The following CD6 variants were observed in gnomAD, a reference collection of about 807,000 sequenced individuals.
The protein encoded by CD6 is T-cell differentiation antigen CD6.
CD6 carries 53 observed loss-of-function variants against 75.3 expected under a neutral mutation model. The ratio of observed to expected loss-of-function variants is 0.70; its 90% CI spans 0.56 to 0.88. The LOEUF is 0.88. Ranked by LOEUF, CD6 falls within the 40% of genes least tolerant of loss-of-function variation. The pLI, the probability that CD6 is intolerant of heterozygous loss-of-function variation, is 0.00. For synonymous variants in CD6, 359 were observed against 381.5 expected (o/e 0.94, Z 0.69); for missense variants, 770 against 897.1 (o/e 0.86, Z 1.81).
chr11:61,017,759 G>T lies in CD6; in HGVS notation c.1583G>T (p.Gly528Val). The change falls in exon 11 of 13, where the codon GGA becomes GTA. Residue 528 changes from glycine (G) to valine (V), a missense_variant and splice_region_variant. Physicochemically the swap from Gly to Val is moderately radical, Grantham distance 109. Coordinates refer to ENST00000313421, the MANE Select transcript of CD6 (RefSeq NM_006725.5). ...SRFQMPPLEE[G>V]LEELHASHIP... is the part of the protein sequence containing the mutation. ...CACCATTCTCCCTTTCCTGCCTTAG[G>T]ACTTGAAGAGTTGCATGCCTCCCAC... is the stretch of plus-strand genomic sequence containing the variant. 1 of 1,613,996 alleles carries T rather than the reference G, an allele frequency of 6.2e-7. No individual in the cohort carries two copies. The highest frequency in any genetic ancestry group is 1.1e-5 in the South Asian group (1 of 91,072).
chr11:61,012,999 C>T (rs1859217465), intron 6 of CD6, among the ~76,000 whole-genome samples: 1 of 152,210 alleles, frequency 6.6e-6, no homozygotes, highest in South Asian at 2.1e-4. Flanking sequence ...GGTGCCTCAT[C>T]ATACTGGACT....
At chr11:60,998,878 G>A (rs1565151657) in intron 1 of CD6, among the ~76,000 whole-genome samples, 1 of 149,894 alleles carries the variant, frequency 6.7e-6, no homozygotes, top group South Asian at 2.1e-4. Flanking sequence ...AGGAAAACAG[G>A]CCAGGCACAG....
chr11:61,009,857 C>T lies in CD6; in HGVS notation c.1067C>T (p.Ala356Val). ...NSNLCSQSLA[A>V]RVLCSASRSL... ...AACCTCTGCAGCCAGTCGCTGGCAG[C>T]CAGGGTCCTCTGCTCAGGTACCCCA... Residue 356 changes from alanine to valine, a missense_variant, in exon 5 of 13, where the codon GCC becomes GTC. Physicochemically the swap from Ala to Val is moderately conservative, Grantham distance 64. Coordinates refer to ENST00000313421, the MANE Select transcript of CD6 (RefSeq NM_006725.5). The T allele has an allele frequency of 6.4e-7, 1 of 1,562,438 alleles. No individual in the cohort carries two copies. Among genetic ancestry groups the T allele is most frequent in the Non-Finnish European group, 8.7e-7 (1 of 1,152,488 alleles).
At chr11:60,997,394 A>T (rs969108906) in intron 1 of CD6, among the ~76,000 whole-genome samples, 1 of 150,028 alleles carries the variant, frequency 6.7e-6, no homozygotes, top group Non-Finnish European at 1.5e-5. Context: ...AAAAAAAAAT[A>T]AAATAAAATA....
In CD6 at chr11:61,020,362, G is replaced by GA; in HGVS notation, c.*1046dup. 2.5e-6 allele frequency: 1 copy of GA among 398,878 alleles called. No individual in the cohort carries two copies. The highest frequency in any genetic ancestry group is 4.4e-6 in the Non-Finnish European group (1 of 226,070). The allele number at this position is 398,878 out of a possible 1,614,324, so 24.7% of individuals were successfully genotyped here. ...GCTCTGAGTATCCTGAGATTAAACT[G>GA]AATTGCTGAATGAAACCAGGGCGTG... is the stretch of plus-strand genomic sequence containing the variant. On this transcript the variant is annotated 3_prime_UTR_variant, in exon 13 of 13. Coordinates refer to ENST00000313421, the MANE Select transcript of CD6 (RefSeq NM_006725.5).
chr11:61,004,709 C>T (rs1466509006), intron 1 of CD6: 2 of 152,254 alleles, frequency 1.3e-5, no homozygotes, highest in African/African-American at 4.8e-5. Flanking sequence ...CTAGGCAAGG[C>T]TGTAGCAACA....
chr11:61,008,828 C>T lies in CD6; in HGVS notation c.764C>T (p.Ala255Val). Residue 255 changes from alanine (A) to valine (V), a missense_variant, in exon 4 of 13, where the codon GCG becomes GTG. By Grantham distance (64) the Ala-to-Val change is moderately conservative (BLOSUM62 0). Transcript: ENST00000313421. ...GQHYCGHKEDAGAVCSEHQSW... is the reference protein window; with the variant it reads ...GQHYCGHKEDVGAVCSEHQSW... ...CACTACTGCGGCCACAAAGAGGACG[C>T]GGGCGCGGTGTGCTCAGGTCAGTGG... The T allele has an allele frequency of 6.4e-7, 1 of 1,554,248 alleles. No homozygotes were observed. The highest frequency in any genetic ancestry group is 8.7e-7 in the Non-Finnish European group (1 of 1,147,378).
intron 1 of CD6, among the ~76,000 whole-genome samples, chr11:60,988,505 G>C (rs545430072): frequency 6.6e-6 from 1 of 152,154 alleles, no homozygotes; most frequent in Non-Finnish European, 1.5e-5. Flanking sequence ...GGTGAGGAGG[G>C]GGCTGTTGTT....
intron 1 of CD6, among the ~76,000 whole-genome samples, chr11:61,002,711 T>C (rs1858642740): frequency 6.6e-6 from 1 of 152,170 alleles, no homozygotes; most frequent in South Asian, 2.1e-4. Context: ...CAAAAAGAAA[T>C]TTATTTCTTA....
intron 1 of CD6, among the ~76,000 whole-genome samples, chr11:61,002,977 T>TTTTCTTTTCC (rs550307628): frequency 6.6e-6 from 1 of 152,270 alleles, no homozygotes; most frequent in East Asian, 1.9e-4. Flanking sequence ...TTTTCTTTTC[T>TTTTCTTTTCC]TTTTTGAGAC....
intron 1 of CD6, among the ~76,000 whole-genome samples, chr11:60,976,124 T>C (rs7107047): frequency 0.11 from 16,066 of 152,060 alleles, 1,565 homozygotes; most frequent in African/African-American, 0.26. Context: ...AGCACTGGAG[T>C]GTTGTACATT....
chr11:60,985,174 C>CTTTTTTTTTT (rs71043735), intron 1 of CD6: 1 of 59,964 alleles, frequency 1.7e-5, no homozygotes, highest in Non-Finnish European at 3.3e-5. Context: ...GCACCCACTC[C>CTTTTTTTTTT]TTTTTTTTTT....
intron 10 of CD6, 75 bp downstream of exon 10, chr11:61,017,625 C>A: frequency 6.4e-7 from 1 of 1,563,710 alleles, no homozygotes; most frequent in Non-Finnish European, 8.8e-7. Context: ...TGAGACCTTC[C>A]AGCAGGAACC....
In CD6 at chr11:61,013,488, A is replaced by G; in HGVS notation, c.1216A>G (p.Ile406Val). 1 of 1,614,026 alleles carries G rather than the reference A, an allele frequency of 6.2e-7. No individual in the cohort carries two copies. Among genetic ancestry groups the G allele is most frequent in the Non-Finnish European group, 8.5e-7 (1 of 1,179,870 alleles). Residue 406 changes from isoleucine to valine, a missense_variant, in exon 7 of 13, where the codon ATC (isoleucine) becomes GTC (valine). Ile to Val is a conservative substitution (Grantham distance 29, BLOSUM62 3). Coordinates refer to ENST00000313421, the MANE Select transcript of CD6 (RefSeq NM_006725.5). Reference protein sequence around the residue: ...SRELMLLIPSIVLGILLLGSL... With the variant: ...SRELMLLIPSVVLGILLLGSL... ...GGAGCTAATGCTCCTCATCCCCTCCATCGTTCTGGGAATTCTCCTCCTTGG... is the reference window on the plus strand; with the variant it reads ...GGAGCTAATGCTCCTCATCCCCTCCGTCGTTCTGGGAATTCTCCTCCTTGG...
chr11:61,018,319 C>A lies in CD6; in HGVS notation c.1868C>A (p.Thr623Asn). The A allele has an allele frequency of 1.2e-6, 2 of 1,608,046 alleles. No individual in the cohort carries two copies. The highest frequency in any genetic ancestry group is 1.7e-5 in the Admixed American group (1 of 59,502). Residue 623 changes from threonine to asparagine, a missense_variant, in exon 12 of 13, where the codon ACC (threonine) becomes AAC (asparagine). Thr to Asn is a moderately conservative substitution (Grantham distance 65). Transcript: ENST00000313421. ...CCCCCGGCTGATGACAGCTCCAGCA[C>A]CTCATCCGGGGAGTGGTACCAGAAC... ...AGPPADDSSS[T>N]SSGEWYQNFQ...
chr11:61,019,239 CCT>C lies in CD6; in HGVS notation c.1943-10_1943-9del, dbSNP rs764787446. On this transcript the variant is annotated splice_polypyrimidine_tract_variant and intron_variant, in intron 12 of 12. Transcript: ENST00000313421. ...TGACTGGGTCTCCCACTAATCTGGGCCTCTCTGCCCACAGGGTCCCCCAGCCC... is the reference window on the plus strand; with the variant it reads ...TGACTGGGTCTCCCACTAATCTGGGCCTCTGCCCACAGGGTCCCCCAGCCC... 41 of 1,607,980 alleles carry C rather than the reference CCT, an allele frequency of 2.5e-5. No individual in the cohort carries two copies. Among genetic ancestry groups the C allele is most frequent in the Non-Finnish European group, 3.3e-5 (39 of 1,177,300 alleles).
At chr11:61,018,617 C>T (rs183305185) in intron 12 of CD6, 140 of 524,374 alleles carry the variant, frequency 2.7e-4, no homozygotes, top group African/African-American at 2.1e-3. Context: ...CAGGAATTTA[C>T]GACTAGCCCC....
Position 60,994,272 on chromosome 11 carries a change from C to T in CD6, c.50-12302C>T, listed in dbSNP as rs7944790. On this transcript the variant is annotated intron_variant, in intron 1 of 12. Transcript: ENST00000313421. The stretch of plus-strand genomic sequence containing the variant: ...CCTGGGCAACACGGTGAAACCCTGT[C>T]TCTAGTAAAATACAAAAAATTAGCC... 6.6e-3 allele frequency among the ~76,000 whole-genome samples: 1,002 copies of T among 151,914 alleles called. 9 individuals carry two copies. Among genetic ancestry groups the T allele is most frequent in the African/African-American group, 0.021 (871 of 41,394 alleles).
intron 11 of CD6, 130 bp from the exon 12 acceptor site, chr11:61,018,159 T>C: frequency 3.1e-6 from 4 of 1,284,886 alleles, no homozygotes; most frequent in Non-Finnish European, 4.3e-6. Context: ...ATCTCCCATC[T>C]CTGGGCCTTC....
Sources: gnomAD v4.1 joint callset for allele counts (sites outside exome capture counted in the v4.1 genomes callset) on GRCh38, gnomAD v4.1.1 for gene constraint, MANE v1.5 for transcripts, NCBI Gene and HGNC (gene_info 2026-07-23, HGNC 2026-07-21) for gene names.